The following CLSTN2 variants were observed in gnomAD, a reference collection of about 807,000 sequenced individuals.
CLSTN2 encodes the protein calsyntenin-2.
A neutral mutation model predicts 101.2 loss-of-function variants in CLSTN2; 48 were observed. That is an observed-to-expected ratio of 0.47 (90% CI 0.38 to 0.60). CLSTN2 has a LOEUF of 0.60. CLSTN2 is among the 20% of genes least tolerant of loss of function. CLSTN2 has a pLI of 0.00. For missense variants in CLSTN2, 1,160 were observed against 1,238.2 expected, an observed-to-expected ratio of 0.94 and a Z score of 0.95; for synonymous variants, 481 against 463.6, an observed-to-expected ratio of 1.04 and a Z score of -0.48.
intron 1 of CLSTN2, among the ~76,000 whole-genome samples, chr3:140,032,789 C>A (rs1300928817): frequency 6.6e-6 from 1 of 152,180 alleles, no homozygotes; most frequent in Non-Finnish European, 1.5e-5. Context: ...TGACCTTGGG[C>A]AAATCCCTTG....
At chr3:140,195,372 C>A (rs2010629366) in intron 2 of CLSTN2, among the ~76,000 whole-genome samples, 1 of 152,170 alleles carries the variant, frequency 6.6e-6, no homozygotes, top group Non-Finnish European at 1.5e-5. Context: ...GAACTCACCA[C>A]TGTGTCATTT....
intron 1 of CLSTN2, among the ~76,000 whole-genome samples, chr3:140,017,481 T>G (rs10513095): frequency 0.18 from 27,192 of 152,168 alleles, 2,703 homozygotes; most frequent in Admixed American, 0.32. Context: ...TCCATGAGCA[T>G]TGACTATGTG....
At chr3:140,239,673 G>C in intron 2 of CLSTN2, among the ~76,000 whole-genome samples, 1 of 152,062 alleles carries the variant, frequency 6.6e-6, no homozygotes, top group East Asian at 1.9e-4. Flanking sequence ...TCTAAAAAGT[G>C]CTCCATTTTT....
chr3:140,442,944 C>T (rs766198511), intron 5 of CLSTN2, among the ~76,000 whole-genome samples: 3 of 152,204 alleles, frequency 2.0e-5, no homozygotes, highest in Non-Finnish European at 2.9e-5. Context: ...TAGCTTCTTC[C>T]AGTAGGAGGG....
In CLSTN2 at chr3:140,460,395, A is replaced by G. The variant is rs141748888; in HGVS notation, c.1222+626A>G. On this transcript the variant is annotated intron_variant, in intron 7 of 16. Coordinates refer to ENST00000458420, the MANE Select transcript of CLSTN2 (RefSeq NM_022131.3). ...CTCACTTTACCTGTCTGTGAATGGG[A>G]CGTTATAGTAGTATCTACCTCACAG... 5.8e-5 allele frequency: 9 copies of G among 156,508 alleles called. No homozygotes were observed. In the East Asian group the frequency reaches 1.7e-3, roughly 29 times the overall value. The allele number at this position is 156,508 out of a possible 1,614,324, so 9.7% of individuals were successfully genotyped here. A position where few individuals can be genotyped will look rare whatever the true frequency, so the allele number is the denominator to read the frequency against.
chr3:140,551,823 T>C (rs755549367), intron 10 of CLSTN2, among the ~76,000 whole-genome samples: 2 of 139,112 alleles, frequency 1.4e-5, no homozygotes, highest in African/African-American at 5.2e-5. Flanking sequence ...ATATATATTA[T>C]ATATTTAAAT....
intron 1 of CLSTN2, among the ~76,000 whole-genome samples, chr3:139,955,112 C>CCATATATATATATA (rs1553785577): frequency 1.4e-5 from 1 of 71,504 alleles, no homozygotes; most frequent in African/African-American, 5.6e-5. Context: ...GGCAATATTG[C>CCATATATATATATA]TATATATATA....
intron 2 of CLSTN2, among the ~76,000 whole-genome samples, chr3:140,288,253 A>T (rs552230743): frequency 6.6e-6 from 1 of 152,172 alleles, no homozygotes; most frequent in South Asian, 2.1e-4. Context: ...TTTATGAAAG[A>T]AAGTAGGGTG....
chr3:140,294,017 C>A (rs1374889521), intron 2 of CLSTN2, among the ~76,000 whole-genome samples: 1 of 152,184 alleles, frequency 6.6e-6, no homozygotes, highest in Admixed American at 6.5e-5. Flanking sequence ...AGCACTGACC[C>A]TGGGCCTCCA....
chr3:140,288,260 G>C (rs573548519), intron 2 of CLSTN2, among the ~76,000 whole-genome samples: 31 of 152,112 alleles, frequency 2.0e-4, no homozygotes, highest in South Asian at 1.2e-3. Flanking sequence ...AAGAAAGTAG[G>C]GTGGGAAGAA....
chr3:140,431,043 C>A (rs1436598988), intron 5 of CLSTN2, among the ~76,000 whole-genome samples: 1 of 152,166 alleles, frequency 6.6e-6, no homozygotes, highest in African/African-American at 2.4e-5. Flanking sequence ...ACATAGCCTG[C>A]ATGTCCTTAA....
At chr3:140,304,569 C>T (rs1276277567) in intron 2 of CLSTN2, among the ~76,000 whole-genome samples, 1 of 152,234 alleles carries the variant, frequency 6.6e-6, no homozygotes, top group East Asian at 1.9e-4. Context: ...GCCTAACTAA[C>T]TCCCAAAGAC....
At chr3:140,218,393 T>C (rs1404080735) in intron 2 of CLSTN2, among the ~76,000 whole-genome samples, 1 of 152,194 alleles carries the variant, frequency 6.6e-6, no homozygotes, top group Non-Finnish European at 1.5e-5. Flanking sequence ...AAAAAGCTTT[T>C]GCTCACTTAT....
intron 2 of CLSTN2, among the ~76,000 whole-genome samples, chr3:140,290,950 T>G (rs563745900): frequency 1.5e-4 from 23 of 152,278 alleles, no homozygotes; most frequent in African/African-American, 5.5e-4. Context: ...ATCATTTTCA[T>G]CAGCATACAA....
In CLSTN2 at chr3:140,266,119, C is replaced by T. The variant is rs372163980; in HGVS notation, c.232+90046C>T. On this transcript the variant is annotated intron_variant, in intron 2 of 16. Coordinates refer to ENST00000458420, the MANE Select transcript of CLSTN2 (RefSeq NM_022131.3). The stretch of plus-strand genomic sequence containing the variant: ...TGCTGGATTGCTGAGGGTGAATTCC[C>T]ATATCCTGTGTCTGATCTCTCTCTG... Among the ~76,000 whole-genome samples the T allele has an allele frequency of 7.2e-4, 109 of 152,240 alleles. 2 individuals are homozygous for T. In the South Asian group the frequency reaches 0.022, roughly 31 times the overall value.
intron 8 of CLSTN2, among the ~76,000 whole-genome samples, chr3:140,513,846 T>C (rs1284368483): frequency 6.6e-6 from 1 of 152,072 alleles, no homozygotes; most frequent in Non-Finnish European, 1.5e-5. Context: ...ATTCAATTTC[T>C]TCCTGGTTCA....
chr3:140,250,290 A>G (rs62266259), intron 2 of CLSTN2, among the ~76,000 whole-genome samples: 1,895 of 152,274 alleles, frequency 0.012, 12 homozygotes, highest in Non-Finnish European at 0.017. Flanking sequence ...AATAGAGTAA[A>G]CCGGATATGG....
intron 6 of CLSTN2, among the ~76,000 whole-genome samples, chr3:140,459,223 T>C (rs1045590032): frequency 6.6e-6 from 1 of 152,196 alleles, no homozygotes; most frequent in African/African-American, 2.4e-5. Context: ...TCCCTGCTAG[T>C]AAGAGCCCCC....
At chr3:140,509,315 A>T (rs1934751053) in intron 8 of CLSTN2, among the ~76,000 whole-genome samples, 1 of 152,150 alleles carries the variant, frequency 6.6e-6, no homozygotes, top group Non-Finnish European at 1.5e-5. Context: ...ACTTAACCAC[A>T]CCAAAACCAC....
Sources: allele counts gnomAD v4.1 joint callset (sites outside exome capture counted in the v4.1 genomes callset), GRCh38; gene constraint gnomAD v4.1.1; transcripts MANE v1.5; gene names NCBI Gene and HGNC (gene_info 2026-07-23, HGNC 2026-07-21).